The following GMDS variants were observed in gnomAD, a reference collection of about 807,000 sequenced individuals.
The protein encoded by GMDS is GDP-mannose 4,6-dehydratase, also known as GDP-mannose 4,6 dehydratase.
Under a neutral mutation model 49.9 loss-of-function variants are expected in GMDS, and 20 were observed. That is an observed-to-expected ratio of 0.40 (90% CI 0.28 to 0.58). The LOEUF (loss-of-function observed/expected upper bound fraction) is 0.58, where lower values mean the gene tolerates loss of function less well. GMDS is among the 20% of genes least tolerant of loss of function. The probability of loss-of-function intolerance (pLI) is 0.42; values close to 1 mark genes in which losing one functional copy is unlikely to be tolerated. For synonymous variants in GMDS, 177 were observed against 178.6 expected (o/e 0.99, Z 0.07); for missense variants, 362 against 481.4 (o/e 0.75, Z 2.32).
At chr6:2,118,074 G>C (rs1268819505) in intron 2 of GMDS, among the ~76,000 whole-genome samples, 2 of 151,990 alleles carry the variant, frequency 1.3e-5, no homozygotes, top group Non-Finnish European at 2.9e-5. Context: ...AGAAAAGTCG[G>C]AAAGCTAAAG....
At chr6:1,901,899 C>CCA (rs934105604) in intron 7 of GMDS, among the ~76,000 whole-genome samples, 4 of 152,132 alleles carry the variant, frequency 2.6e-5, no homozygotes, top group Middle Eastern at 3.2e-3. Context: ...GCTATGGAGA[C>CCA]CACACACACA....
At chr6:2,122,472 A>G (rs949442463) in intron 2 of GMDS, among the ~76,000 whole-genome samples, 2 of 152,140 alleles carry the variant, frequency 1.3e-5, no homozygotes. Context: ...ATCCTACTTC[A>G]TGCAATCTAC....
chr6:2,232,998 G>A (rs754679606), intron 1 of GMDS, among the ~76,000 whole-genome samples: 1 of 152,220 alleles, frequency 6.6e-6, no homozygotes, highest in Non-Finnish European at 1.5e-5. Context: ...TGGGAAAGGA[G>A]GGGATGGGGA....
chr6:2,105,327 A>G lies in GMDS; in HGVS notation c.345+10444T>C, dbSNP rs142726750. Among the ~76,000 whole-genome samples, 53 of 152,334 alleles carry G rather than the reference A, an allele frequency of 3.5e-4. No homozygotes were observed. The East Asian group carries it at 9.8e-3, about 28-fold the overall frequency. On this transcript the variant is annotated intron_variant, in intron 4 of 10. Transcript: ENST00000380815. ...ACCAATAACTCAAATATTGTGACATAATAATCGACTAACTTCTGTCAAATA... is the reference window on the plus strand; with the variant it reads ...ACCAATAACTCAAATATTGTGACATGATAATCGACTAACTTCTGTCAAATA...
At chr6:1,882,025 T>C (rs1759388860) in intron 7 of GMDS, among the ~76,000 whole-genome samples, 1 of 152,232 alleles carries the variant, frequency 6.6e-6, no homozygotes, top group Non-Finnish European at 1.5e-5. Flanking sequence ...TCTAAGTGAT[T>C]ATTTTTAAAT....
chr6:2,075,593 T>C (rs1454961205), intron 4 of GMDS, among the ~76,000 whole-genome samples: 2 of 152,236 alleles, frequency 1.3e-5, no homozygotes, highest in African/African-American at 4.8e-5. Flanking sequence ...AACTCATCAT[T>C]TTTTATGGCT....
At chr6:1,913,588 G>C (rs898822062) in intron 7 of GMDS, among the ~76,000 whole-genome samples, 2 of 152,114 alleles carry the variant, frequency 1.3e-5, no homozygotes, top group Non-Finnish European at 2.9e-5. Context: ...GGAAAAAAAG[G>C]CTATGTCAAA....
intron 7 of GMDS, among the ~76,000 whole-genome samples, chr6:1,767,950 CA>C (rs1436537108): frequency 6.6e-6 from 1 of 152,062 alleles, no homozygotes; most frequent in East Asian, 1.9e-4. Flanking sequence ...GGTGACAGTT[CA>C]CCGACTATAC....
chr6:1,639,129 G>T (rs742557), intron 9 of GMDS, among the ~76,000 whole-genome samples: 1 of 151,994 alleles, frequency 6.6e-6, no homozygotes, highest in Non-Finnish European at 1.5e-5. Flanking sequence ...TGGATACGGG[G>T]AGAGGGCTCA....
intron 6 of GMDS, among the ~76,000 whole-genome samples, chr6:1,932,663 G>A (rs534374597): frequency 1.6e-4 from 24 of 150,140 alleles, no homozygotes; most frequent in South Asian, 8.5e-4. Context: ...TCAGCCTCCC[G>A]AAAAGCTGGG....
intron 7 of GMDS, among the ~76,000 whole-genome samples, chr6:1,762,741 C>T (rs1410950575): frequency 1.3e-5 from 2 of 152,154 alleles, no homozygotes; most frequent in East Asian, 1.9e-4. Context: ...CCGACACATT[C>T]GCGTCCCTGT....
At chr6:2,077,989 T>G (rs1436167505) in intron 4 of GMDS, among the ~76,000 whole-genome samples, 1 of 152,050 alleles carries the variant, frequency 6.6e-6, no homozygotes, top group African/African-American at 2.4e-5. Context: ...GGCTTTCTGT[T>G]TTTTCCAGAT....
intron 1 of GMDS, among the ~76,000 whole-genome samples, chr6:2,125,814 C>T (rs1775398286): frequency 6.6e-6 from 1 of 152,086 alleles, no homozygotes; most frequent in African/African-American, 2.4e-5. Flanking sequence ...TCACTGAAGG[C>T]TTGAAAAGGT....
intron 9 of GMDS, among the ~76,000 whole-genome samples, chr6:1,720,901 G>C (rs949287275): frequency 2.6e-5 from 4 of 152,146 alleles, no homozygotes; most frequent in Admixed American, 1.3e-4. Flanking sequence ...CTTTGGGAGG[G>C]GAAGTGTGAG....
intron 8 of GMDS, among the ~76,000 whole-genome samples, chr6:1,740,960 A>T (rs1767247818): frequency 1.3e-5 from 2 of 152,220 alleles, no homozygotes; most frequent in Non-Finnish European, 2.9e-5. Context: ...AATATTTTTC[A>T]TAAAATTGGA....
chr6:1,669,622 G>A (rs1354711026), intron 9 of GMDS, among the ~76,000 whole-genome samples: 2 of 152,106 alleles, frequency 1.3e-5, no homozygotes, highest in Admixed American at 6.6e-5. Flanking sequence ...GGCATCAAGA[G>A]CTGTCACCAG....
intron 4 of GMDS, among the ~76,000 whole-genome samples, chr6:1,978,981 A>C (rs1765074825): frequency 6.6e-6 from 1 of 152,222 alleles, no homozygotes; most frequent in African/African-American, 2.4e-5. Context: ...TGGAGTGGCC[A>C]GACTATTAAA....
chr6:1,988,348 T>C (rs559289987), intron 4 of GMDS, among the ~76,000 whole-genome samples: 1 of 24,436 alleles, frequency 4.1e-5, no homozygotes, highest in Non-Finnish European at 7.7e-5. Flanking sequence ...TAAATAAATA[T>C]ACAAGTTAAA....
intron 4 of GMDS, among the ~76,000 whole-genome samples, chr6:2,033,178 A>G (rs1469332907): frequency 6.6e-6 from 1 of 152,218 alleles, no homozygotes; most frequent in African/African-American, 2.4e-5. Context: ...GACCAATGAA[A>G]TAATAATTGC....
Sources: gnomAD v4.1 joint callset for allele counts (sites outside exome capture counted in the v4.1 genomes callset) on GRCh38, gnomAD v4.1.1 for gene constraint, MANE v1.5 for transcripts, NCBI Gene and HGNC (gene_info 2026-07-23, HGNC 2026-07-21) for gene names.